COL4A5: variants seen among roughly 807,000 people sequenced by gnomAD.
COL4A5 encodes collagen type IV alpha 5 chain, also known as collagen alpha-5(IV) chain.
In COL4A5, 26 loss-of-function variants were observed where a neutral mutation model predicts 130.2. The observed-to-expected ratio is 0.20, with a 90% CI of 0.15 to 0.28. The LOEUF is 0.28. COL4A5 is among the 10% of genes least tolerant of loss of function. The pLI is 1.00. For missense variants in COL4A5, 1,131 were observed against 1,344.3 expected, an observed-to-expected ratio of 0.84 and a Z score of 2.48; for synonymous variants, 496 against 439.6, an observed-to-expected ratio of 1.13 and a Z score of -1.60.
Position 108,602,953 on chromosome X carries a change from T to C in COL4A5, c.2147-11T>C. 4.4e-6 allele frequency: 5 copies of C among 1,143,811 alleles called. No homozygotes were observed. The highest frequency in any genetic ancestry group is 5.9e-6 in the Non-Finnish European group (5 of 845,094). 94.3% of individuals were successfully genotyped at this position (1,143,811 alleles called of 1,213,427 possible). A position where few individuals can be genotyped will look rare whatever the true frequency, so the allele number is the denominator to read the frequency against. On this transcript the variant is annotated splice_polypyrimidine_tract_variant and intron_variant, in intron 27 of 52. Coordinates refer to ENST00000328300, the MANE Select transcript of COL4A5 (RefSeq NM_033380.3). ...CCTTTGGTGGTTAAAAAATGACTTA[T>C]CATTTTACAGGCTTTCCTGGAATTC...
chrX:108,502,346 C>T (rs1016900042), intron 1 of COL4A5, among the ~76,000 whole-genome samples: 2 of 111,203 alleles, frequency 1.8e-5, no homozygotes, highest in African/African-American at 3.3e-5. Flanking sequence ...AGTGCAATGG[C>T]GCAATCTCGG....
chrX:108,473,641 T>A (rs1346093280), intron 1 of COL4A5, among the ~76,000 whole-genome samples: 11 of 25,596 alleles, frequency 4.3e-4, no homozygotes, highest in Middle Eastern at 0.032. Context: ...ATATTTTTTT[T>A]TTTTTGAGAT....
In COL4A5 at chrX:108,480,252, C is replaced by G. The variant is rs747770823; in HGVS notation, c.81+40046C>G. On this transcript the variant is annotated intron_variant, in intron 1 of 52. Transcript: ENST00000328300. Reference sequence around the variant, plus strand: ...TCTTGATTGTAGGAGGGGCCAAATGCAGCAACTTATCCTTCACCTTGGAAG... The same window carrying G: ...TCTTGATTGTAGGAGGGGCCAAATGGAGCAACTTATCCTTCACCTTGGAAG... Among the ~76,000 whole-genome samples the G allele has an allele frequency of 2.7e-5, 3 of 112,487 alleles. No individual in the cohort carries two copies. The Admixed American group carries it at 2.8e-4, about 11-fold the overall frequency.
At chrX:108,632,444 C>A (rs914104765) in intron 36 of COL4A5, among the ~76,000 whole-genome samples, 2 of 110,952 alleles carry the variant, frequency 1.8e-5, no homozygotes, top group Non-Finnish European at 3.8e-5. Context: ...TATTCCAATC[C>A]ATAGAAAAAG....
At chrX:108,680,127 T>G (rs1021770137) in intron 44 of COL4A5, among the ~76,000 whole-genome samples, 1 of 112,159 alleles carries the variant, frequency 8.9e-6, no homozygotes, top group Admixed American at 9.5e-5. Context: ...ACTTGAGCCC[T>G]GATCAGGTGA....
chrX:108,665,158 A>G (rs2068051104), intron 37 of COL4A5, among the ~76,000 whole-genome samples: 1 of 112,159 alleles, frequency 8.9e-6, no homozygotes, highest in African/African-American at 3.2e-5. Flanking sequence ...TATAAATAGG[A>G]AAGTGGATAT....
chrX:108,578,970 G>T (rs1336526044), intron 13 of COL4A5, among the ~76,000 whole-genome samples: 1 of 111,506 alleles, frequency 9.0e-6, no homozygotes, highest in African/African-American at 3.3e-5. Context: ...AAGCCACCAT[G>T]CCTGGCCAAG....
chrX:108,553,154 A>T (rs925899881), intron 2 of COL4A5, among the ~76,000 whole-genome samples: 1 of 111,608 alleles, frequency 9.0e-6, no homozygotes, highest in African/African-American at 3.3e-5. Flanking sequence ...AAAGGGGAAA[A>T]TCCTTGTGAC....
intron 40 of COL4A5, among the ~76,000 whole-genome samples, chrX:108,667,573 A>G (rs749357629): frequency 7.8e-4 from 85 of 108,555 alleles, no homozygotes; most frequent in African/African-American, 2.7e-3. Flanking sequence ...ATTTGGGTAG[A>G]TGTGTGTGTG....
At position 108,591,131 on chromosome X, in the gene COL4A5, A is replaced by G; in HGVS notation, c.1239A>G (p.Pro413=). 2.5e-6 allele frequency: 3 copies of G among 1,209,367 alleles called. No homozygotes were observed. Among genetic ancestry groups the G allele is most frequent in the Non-Finnish European group, 3.4e-6 (3 of 894,348 alleles). The change falls in exon 20 of 53, where the codon CCA becomes CCG. Residue 413 remains proline, a synonymous_variant. Transcript: ENST00000328300. ...GERGQKGDEG[P]PGISIPGPPG... is the part of the protein sequence containing the mutation. Reference sequence around the variant, plus strand: ...GGGGTCAGAAAGGTGATGAAGGACCACCTGGAATTTCCATTCCTGGACCTC... The same window carrying G: ...GGGGTCAGAAAGGTGATGAAGGACCGCCTGGAATTTCCATTCCTGGACCTC...
intron 2 of COL4A5, among the ~76,000 whole-genome samples, chrX:108,554,939 A>T (rs188830085): frequency 1.8e-5 from 2 of 112,527 alleles, no homozygotes; most frequent in Non-Finnish European, 3.8e-5. Context: ...GATTTATTCT[A>T]TGTTAATTAT....
At chrX:108,634,879 C>T (rs1001466400) in intron 36 of COL4A5, among the ~76,000 whole-genome samples, 6 of 110,377 alleles carry the variant, frequency 5.4e-5, no homozygotes, top group Non-Finnish European at 9.5e-5. Flanking sequence ...CACACTACCA[C>T]GTGAAACAAA....
intron 1 of COL4A5, among the ~76,000 whole-genome samples, chrX:108,450,378 G>A (rs1446626302): frequency 2.7e-5 from 3 of 111,865 alleles, no homozygotes; most frequent in African/African-American, 9.8e-5. Flanking sequence ...ACAGGCATGA[G>A]CCACCAAGCC....
At chrX:108,558,977 A>T (rs959614151) in intron 2 of COL4A5, 87 bp from the exon 3 acceptor site, 3 of 734,173 alleles carry the variant, frequency 4.1e-6, no homozygotes, top group Non-Finnish European at 6.5e-6. Flanking sequence ...TTTTGTCTAG[A>T]TAGTCATGTG....
At chrX:108,611,949 A>G (rs2066843593) in intron 29 of COL4A5, among the ~76,000 whole-genome samples, 1 of 111,540 alleles carries the variant, frequency 9.0e-6, no homozygotes, top group African/African-American at 3.2e-5. Flanking sequence ...AGGATAATAC[A>G]CTACAATCAA....
At position 108,473,613 on chromosome X, in the gene COL4A5, G is replaced by GTA. The variant is rs1230922272; in HGVS notation, c.81+33427_81+33428dup. Among the ~76,000 whole-genome samples, 176 of 46,063 alleles carry GTA rather than the reference G, an allele frequency of 3.8e-3. 9 individuals carry two copies. Among genetic ancestry groups the GTA allele is most frequent in the East Asian group, 0.033 (77 of 2,343 alleles). The allele number at this position is 46,063 out of a possible 115,157, so 40.0% of individuals were successfully genotyped here. A position where few individuals can be genotyped will look rare whatever the true frequency, so the allele number is the denominator to read the frequency against. On this transcript the variant is annotated intron_variant, in intron 1 of 52. Coordinates refer to ENST00000328300, the MANE Select transcript of COL4A5 (RefSeq NM_033380.3). ...TAAAGTTTTATATATATATATATATGTATATATATATATATATATATTTTT... is the reference window on the plus strand; with the variant it reads ...TAAAGTTTTATATATATATATATATGTATATATATATATATATATATATTTTT...
At position 108,626,265 on chromosome X, in the gene COL4A5, C is replaced by T. The variant is rs2067152090; in HGVS notation, c.3162C>T (p.Gly1054=). The T allele has an allele frequency of 1.7e-6, 2 of 1,208,065 alleles. No individual in the cohort carries two copies. The highest frequency in any genetic ancestry group is 2.2e-6 in the Non-Finnish European group (2 of 893,990). Reference sequence around the variant, plus strand: ...CTTCTGGAGTTCCTGGACAACCTGGCTCCCCAGGATTACCTGGACAGAAAG... The same window carrying T: ...CTTCTGGAGTTCCTGGACAACCTGGTTCCCCAGGATTACCTGGACAGAAAG... ...PGPSGVPGQP[G]SPGLPGQKGD... The change falls in exon 36 of 53, where the codon GGC becomes GGT. Residue 1054 remains glycine, a synonymous_variant. Transcript: ENST00000328300.
intron 19 of COL4A5, among the ~76,000 whole-genome samples, chrX:108,587,677 T>G (rs959979639): frequency 2.7e-5 from 3 of 111,584 alleles, no homozygotes; most frequent in Admixed American, 9.5e-5. Context: ...CTATTTTTAG[T>G]TTTTTGAAGA....
chrX:108,479,346 A>G (rs2064866714), intron 1 of COL4A5, among the ~76,000 whole-genome samples: 1 of 112,450 alleles, frequency 8.9e-6, no homozygotes, highest in Admixed American at 9.4e-5. Context: ...GTGAATCAGT[A>G]TACAATCGCA....
Sources: allele counts gnomAD v4.1 joint callset (sites outside exome capture counted in the v4.1 genomes callset), GRCh38; gene constraint gnomAD v4.1.1; transcripts MANE v1.5; gene names NCBI Gene and HGNC (gene_info 2026-07-23, HGNC 2026-07-21).